Variants in RHBDL2 observed in about 807,000 individuals in gnomAD.
The protein encoded by RHBDL2 is rhomboid like 2.
Under a neutral mutation model 31.7 loss-of-function variants are expected in RHBDL2, and 26 were observed. The observed-to-expected ratio is 0.82, with a 90% CI of 0.60 to 1.14. RHBDL2 has a LOEUF of 1.14. Ranked by LOEUF, RHBDL2 falls within the 50% of genes most tolerant of loss-of-function variation. The probability of loss-of-function intolerance (pLI) is 0.00; values close to 1 mark genes in which losing one functional copy is unlikely to be tolerated. For missense variants in RHBDL2, 336 were observed against 364.4 expected, an observed-to-expected ratio of 0.92 and a Z score of 0.63; for synonymous variants, 123 against 127.2, an observed-to-expected ratio of 0.97 and a Z score of 0.22.
intron 1 of RHBDL2, among the ~76,000 whole-genome samples, chr1:38,934,380 G>A (rs555032060): frequency 1.3e-4 from 20 of 151,482 alleles, no homozygotes; most frequent in Non-Finnish European, 2.5e-4. Flanking sequence ...AAAATGGCCC[G>A]GCAGGGTGGC....
chr1:38,910,753 C>CTT (rs765064879), intron 4 of RHBDL2, among the ~76,000 whole-genome samples: 137 of 110,918 alleles, frequency 1.2e-3, no homozygotes, highest in Non-Finnish European at 1.7e-3. Flanking sequence ...TATTCCTTTT[C>CTT]TTTTTTTTTT....
intron 4 of RHBDL2, among the ~76,000 whole-genome samples, chr1:38,906,199 T>C (rs887644553): frequency 3.5e-4 from 53 of 152,060 alleles, no homozygotes; most frequent in African/African-American, 1.3e-3. Flanking sequence ...CTTGAAGTGC[T>C]AGCCAACACA....
At chr1:38,935,837 C>A (rs1025860010) in intron 1 of RHBDL2, among the ~76,000 whole-genome samples, 1 of 152,080 alleles carries the variant, frequency 6.6e-6, no homozygotes, top group Non-Finnish European at 1.5e-5. Context: ...TGGTCTCGAA[C>A]TCCTGAGCTC....
rs765064879 is a variant in RHBDL2 at position 38,910,753 on chromosome 1, CTTTTTTTTT to C, written c.508+560_508+568del. Reference sequence around the variant, plus strand: ...ACTTGCAGTTTTCTTTATTCCTTTTCTTTTTTTTTTTTTTTTTTTTGTTTGTTTGTTTGT... The same window carrying C: ...ACTTGCAGTTTTCTTTATTCCTTTTCTTTTTTTTTTTGTTTGTTTGTTTGT... On this transcript the variant is annotated intron_variant, in intron 4 of 7. Coordinates refer to ENST00000372990, the MANE Select transcript of RHBDL2 (RefSeq NM_017821.5). Among the ~76,000 whole-genome samples the C allele has an allele frequency of 1.0e-3, 115 of 111,054 alleles. 3 individuals carry two copies. In the South Asian group the frequency reaches 0.031, roughly 30 times the overall value. The allele number at this position is 111,054 out of a possible 152,430, so 72.9% of individuals were successfully genotyped here.
At chr1:38,917,554 C>G (rs1327608296) in intron 2 of RHBDL2, among the ~76,000 whole-genome samples, 1 of 152,102 alleles carries the variant, frequency 6.6e-6, no homozygotes, top group Non-Finnish European at 1.5e-5. Context: ...GACACACACA[C>G]AGCTGATTGA....
Position 38,911,319 on chromosome 1 carries a change from G to C in RHBDL2, c.508+3C>G, listed in dbSNP as rs752695824. 6.3e-7 allele frequency: 1 copy of C among 1,591,408 alleles called. No individual in the cohort carries two copies. Among genetic ancestry groups the C allele is most frequent in the Non-Finnish European group, 8.6e-7 (1 of 1,159,452 alleles). On this transcript the variant is annotated splice_donor_region_variant and intron_variant, in intron 4 of 7. Coordinates refer to ENST00000372990, the MANE Select transcript of RHBDL2 (RefSeq NM_017821.5). ...TGATTCTGTGTTACCTCAGAACACT[G>C]ACCTGCAATCACTCCTGCCAGGTAC...
intron 1 of RHBDL2, among the ~76,000 whole-genome samples, chr1:38,940,547 A>T (rs1010772316): frequency 1.3e-5 from 2 of 152,016 alleles, no homozygotes; most frequent in Non-Finnish European, 2.9e-5. Flanking sequence ...TTCTGTTTAC[A>T]CGCTGCCTAC....
chr1:38,940,907 T>C (rs540711167), intron 1 of RHBDL2, among the ~76,000 whole-genome samples: 1 of 151,960 alleles, frequency 6.6e-6, no homozygotes, highest in Non-Finnish European at 1.5e-5. Flanking sequence ...TAAAAAAAAA[T>C]TATAGCTGAG....
chr1:38,904,585 T>C (rs1643036732), intron 4 of RHBDL2, among the ~76,000 whole-genome samples: 1 of 151,696 alleles, frequency 6.6e-6, no homozygotes, highest in African/African-American at 2.4e-5. Flanking sequence ...TCCTAGCATT[T>C]TGGGAGGCCA....
chr1:38,899,743 A>T (rs762739949), intron 4 of RHBDL2, among the ~76,000 whole-genome samples: 6 of 152,238 alleles, frequency 3.9e-5, no homozygotes, highest in Non-Finnish European at 7.3e-5. Context: ...GCCACCTGCC[A>T]ACAGCCGAGA....
At chr1:38,924,585 C>T (rs566689577) in intron 1 of RHBDL2, among the ~76,000 whole-genome samples, 47 of 151,678 alleles carry the variant, frequency 3.1e-4, no homozygotes, top group Admixed American at 3.0e-3. Context: ...CAGAGCAAGA[C>T]TCCGTCTCAA....
At chr1:38,930,031 A>G (rs1034263794) in intron 1 of RHBDL2, among the ~76,000 whole-genome samples, 1 of 152,210 alleles carries the variant, frequency 6.6e-6, no homozygotes, top group African/African-American at 2.4e-5. Context: ...GAAGCAAAGC[A>G]CACTTGACAT....
At chr1:38,906,822 T>C (rs1643073065) in intron 4 of RHBDL2, among the ~76,000 whole-genome samples, 2 of 152,024 alleles carry the variant, frequency 1.3e-5, no homozygotes, top group Admixed American at 6.6e-5. Flanking sequence ...ATATAGAAAA[T>C]ATATCAGTTC....
At chr1:38,932,632 G>A (rs983239999) in intron 1 of RHBDL2, among the ~76,000 whole-genome samples, 6 of 152,062 alleles carry the variant, frequency 3.9e-5, no homozygotes, top group South Asian at 2.1e-4. Context: ...ACTAATTTTC[G>A]CATTTTTTGT....
At chr1:38,925,654 C>T (rs1643367167) in intron 1 of RHBDL2, among the ~76,000 whole-genome samples, 1 of 152,158 alleles carries the variant, frequency 6.6e-6, no homozygotes, top group Non-Finnish European at 1.5e-5. Flanking sequence ...CTGAACTTGA[C>T]ACAGCATGCC....
At chr1:38,931,809 A>G (rs993328194) in intron 1 of RHBDL2, among the ~76,000 whole-genome samples, 4 of 152,194 alleles carry the variant, frequency 2.6e-5, no homozygotes, top group Admixed American at 2.6e-4. Context: ...ACTGTGGTTT[A>G]GATTTAAAAG....
chr1:38,914,002 A>C (rs1349652571), intron 3 of RHBDL2, among the ~76,000 whole-genome samples: 2 of 151,938 alleles, frequency 1.3e-5, no homozygotes, highest in Admixed American at 1.3e-4. Flanking sequence ...CTGTAATCCC[A>C]GCTACTCGGG....
intron 1 of RHBDL2, among the ~76,000 whole-genome samples, chr1:38,932,889 T>A (rs1359183071): frequency 6.6e-6 from 1 of 152,222 alleles, no homozygotes; most frequent in Non-Finnish European, 1.5e-5. Context: ...ATTGTTCATC[T>A]TTGTATTCTT....
intron 3 of RHBDL2, 90 bp downstream of exon 3, chr1:38,915,472 G>T: frequency 7.6e-7 from 1 of 1,314,484 alleles, no homozygotes; most frequent in Non-Finnish European, 1.1e-6. Context: ...ACATGAAAGT[G>T]CCTTATCAAT....
Sources: allele counts gnomAD v4.1 joint callset (sites outside exome capture counted in the v4.1 genomes callset), GRCh38; gene constraint gnomAD v4.1.1; transcripts MANE v1.5; gene names NCBI Gene and HGNC (gene_info 2026-07-23, HGNC 2026-07-21).